The following CSGALNACT1 variants were observed in gnomAD, a reference collection of about 807,000 sequenced individuals.
The protein encoded by CSGALNACT1 is chondroitin sulfate N-acetylgalactosaminyltransferase 1.
CSGALNACT1 carries 52 observed loss-of-function variants against 51.0 expected under a neutral mutation model. The observed-to-expected ratio is 1.02, with a 90% CI of 0.82 to 1.29. The LOEUF (loss-of-function observed/expected upper bound fraction) is 1.29. CSGALNACT1 is among the 50% of genes most tolerant of loss of function. The probability of loss-of-function intolerance (pLI) is 0.00; values close to 1 mark genes in which losing one functional copy is unlikely to be tolerated. For synonymous variants in CSGALNACT1, 341 were observed against 254.4 expected (o/e 1.34, Z -3.24); for missense variants, 935 against 679.2 (o/e 1.38, Z -4.19).
chr8:19,719,934 G>A (rs567509452), intron 1 of CSGALNACT1, among the ~76,000 whole-genome samples: 49 of 152,302 alleles, frequency 3.2e-4, no homozygotes, highest in African/African-American at 1.1e-3. Context: ...CACTAGTTAG[G>A]GTCTTCCAAG....
chr8:19,484,823 C>T (rs149451214), intron 4 of CSGALNACT1, among the ~76,000 whole-genome samples: 1 of 152,150 alleles, frequency 6.6e-6, no homozygotes, highest in Non-Finnish European at 1.5e-5. Context: ...CTAATCCAAT[C>T]TGACCGGTGT....
chr8:19,520,374 G>T lies in CSGALNACT1; in HGVS notation c.-296-14244C>A, dbSNP rs114464466. Among the ~76,000 whole-genome samples the T allele has an allele frequency of 6.0e-3, 912 of 152,316 alleles. 9 individuals carry two copies. Among genetic ancestry groups the T allele is most frequent in the African/African-American group, 0.021 (861 of 41,580 alleles). On this transcript the variant is annotated intron_variant, in intron 3 of 9. Transcript: ENST00000454498. ...GCATTGTTATTTTTGGTAAAAGTAA[G>T]ACCTACAGATAATATTGCAGACAAT...
intron 1 of CSGALNACT1, among the ~76,000 whole-genome samples, chr8:19,656,591 G>GAA (rs2058296232): frequency 2.4e-5 from 2 of 83,796 alleles, no homozygotes; most frequent in African/African-American, 8.6e-5. Context: ...GAGAAACTAC[G>GAA]CCCCCCCCCC....
At chr8:19,590,508 T>C (rs1464692605) in intron 3 of CSGALNACT1, among the ~76,000 whole-genome samples, 1 of 152,166 alleles carries the variant, frequency 6.6e-6, no homozygotes, top group Admixed American at 6.6e-5. Flanking sequence ...GCTCAAGAGA[T>C]GCACACATCC....
chr8:19,604,218 T>C (rs1366091522), upstream of CSGALNACT1, among the ~76,000 whole-genome samples: 1 of 152,126 alleles, frequency 6.6e-6, no homozygotes, highest in Non-Finnish European at 1.5e-5. Flanking sequence ...GGAAGGGGAA[T>C]AGCATCTTGG....
chr8:19,678,224 C>T (rs1174348475), intron 1 of CSGALNACT1, among the ~76,000 whole-genome samples: 1 of 152,152 alleles, frequency 6.6e-6, no homozygotes, highest in Non-Finnish European at 1.5e-5. Context: ...TTAACCTTAA[C>T]ACTCAGCATA....
chr8:19,576,455 A>C lies in CSGALNACT1; in HGVS notation c.-297+14705T>G, dbSNP rs886960875. Among the ~76,000 whole-genome samples the C allele has an allele frequency of 2.6e-5, 4 of 151,904 alleles. No individual in the cohort carries two copies. The East Asian group carries it at 5.8e-4, about 22-fold the overall frequency. ...TGATCCAGTCGCCTCAGCCTCTCAGAGTGCTAGGATTACAAGCTTGAGCCA... is the reference window on the plus strand; with the variant it reads ...TGATCCAGTCGCCTCAGCCTCTCAGCGTGCTAGGATTACAAGCTTGAGCCA... On this transcript the variant is annotated intron_variant, in intron 3 of 9. Coordinates refer to ENST00000454498, the Ensembl canonical transcript of CSGALNACT1.
At chr8:19,748,054 CA>C (rs5889886) in intron 1 of CSGALNACT1, among the ~76,000 whole-genome samples, 2 of 151,530 alleles carry the variant, frequency 1.3e-5, no homozygotes, top group African/African-American at 2.4e-5. Context: ...TAAACGTACT[CA>C]AAAAAAATCT....
At chr8:19,709,555 T>C (rs907316211) in intron 1 of CSGALNACT1, among the ~76,000 whole-genome samples, 2 of 152,182 alleles carry the variant, frequency 1.3e-5, no homozygotes, top group Non-Finnish European at 2.9e-5. Context: ...GAGAATGAAG[T>C]GGTTCCTACA....
chr8:19,422,734 A>C (rs145518332), intron 6 of CSGALNACT1, among the ~76,000 whole-genome samples: 1 of 152,314 alleles, frequency 6.6e-6, no homozygotes, highest in Non-Finnish European at 1.5e-5. Flanking sequence ...GAGCACCTTC[A>C]TGTCTCTTAG....
Position 19,530,115 on chromosome 8 carries a change from G to C in CSGALNACT1, c.-296-23985C>G, listed in dbSNP as rs118137722. 7.6e-3 allele frequency among the ~76,000 whole-genome samples: 1,157 copies of C among 152,114 alleles called. 70 individuals carry two copies. The East Asian group carries it at 0.16, about 20-fold the overall frequency. On this transcript the variant is annotated intron_variant, in intron 3 of 9. Transcript: ENST00000454498. Reference sequence around the variant, plus strand: ...TGCGTGCCTGTAATCCCAGCTACTCGGGGGCTGAGGCATGAAAATTGCATG... The same window carrying C: ...TGCGTGCCTGTAATCCCAGCTACTCCGGGGCTGAGGCATGAAAATTGCATG...
chr8:19,696,813 C>T (rs759421976), intron 1 of CSGALNACT1, among the ~76,000 whole-genome samples: 25 of 152,204 alleles, frequency 1.6e-4, no homozygotes, highest in Admixed American at 4.6e-4. Flanking sequence ...CGACTGTTCT[C>T]ACTGTTACAG....
At chr8:19,664,135 T>C (rs897628509) in intron 1 of CSGALNACT1, among the ~76,000 whole-genome samples, 1 of 152,232 alleles carries the variant, frequency 6.6e-6, no homozygotes, top group African/African-American at 2.4e-5. Flanking sequence ...CTTCTTGATA[T>C]TGATATCCTC....
At chr8:19,622,282 T>A (rs1314179543) in intron 1 of CSGALNACT1, among the ~76,000 whole-genome samples, 5 of 152,334 alleles carry the variant, frequency 3.3e-5, no homozygotes, top group African/African-American at 1.2e-4. Flanking sequence ...TATCCATGTT[T>A]GAAGGTTGAG....
chr8:19,555,472 G>A (rs1388364636), intron 3 of CSGALNACT1, among the ~76,000 whole-genome samples: 1 of 152,078 alleles, frequency 6.6e-6, no homozygotes, highest in Non-Finnish European at 1.5e-5. Context: ...CAAACTTTTC[G>A]AGATTTCACG....
At chr8:19,667,039 G>A (rs1229576155) in intron 1 of CSGALNACT1, among the ~76,000 whole-genome samples, 2 of 39,964 alleles carry the variant, frequency 5.0e-5, no homozygotes, top group Admixed American at 2.5e-4. Flanking sequence ...AAGGAAGGAA[G>A]GAAGAAAGAA....
At chr8:19,492,827 G>T (rs1289677105) in intron 4 of CSGALNACT1, among the ~76,000 whole-genome samples, 2 of 152,092 alleles carry the variant, frequency 1.3e-5, no homozygotes, top group Non-Finnish European at 2.9e-5. Flanking sequence ...GTAATCTGTT[G>T]ACTATGATCA....
At chr8:19,469,306 C>T (rs1407788302) in intron 4 of CSGALNACT1, among the ~76,000 whole-genome samples, 1 of 152,060 alleles carries the variant, frequency 6.6e-6, no homozygotes, top group Non-Finnish European at 1.5e-5. Flanking sequence ...CATGAGGATC[C>T]CTTGAGCCCA....
Position 19,505,635 on chromosome 8 carries a change from T to G in CSGALNACT1, c.200A>C (p.Gln67Pro), listed in dbSNP as rs753494716. 41 of 1,614,032 alleles carry G rather than the reference T, an allele frequency of 2.5e-5. No homozygotes were observed. Among genetic ancestry groups the G allele is most frequent in the Non-Finnish European group, 3.3e-5 (39 of 1,180,044 alleles). ...CAGGCTGCTCACGTAGTTGCGGTGC[T>G]GCTCCTCCCACTCCTGAAGGACGGC... Residue 67 changes from glutamine (Q) to proline (P), a missense_variant, in exon 4 of 10, where the codon CAG becomes CCG. By Grantham distance (76) the Gln-to-Pro change is moderately conservative. Transcript: ENST00000454498.
Sources: allele counts gnomAD v4.1 joint callset (sites outside exome capture counted in the v4.1 genomes callset), GRCh38; gene constraint gnomAD v4.1.1; transcripts MANE v1.5; gene names NCBI Gene and HGNC (gene_info 2026-07-23, HGNC 2026-07-21).